MPV17L2: variants seen among roughly 807,000 people sequenced by gnomAD.
MPV17L2 encodes mpv17-like protein 2.
A neutral mutation model predicts 24.2 loss-of-function variants in MPV17L2; 25 were observed. The ratio of observed to expected loss-of-function variants is 1.03; its 90% confidence interval spans 0.75 to 1.44. MPV17L2 has a LOEUF of 1.44. MPV17L2 is among the 40% of genes most tolerant of loss of function. The pLI is 0.00. For missense variants in MPV17L2, 271 were observed against 276.2 expected (o/e 0.98, Z 0.13); for synonymous variants, 130 against 121.4 (o/e 1.07, Z -0.46).
rs1967519928 is a variant in MPV17L2 at position 18,196,338 on chromosome 19, A to ACTCTGCCAAC, written c.*285_*294dup. ...ATGTCCCATCCTCAGCACAGGGCCC[A>ACTCTGCCAAC]CTCTGCCAACCAGTCTCAAGCACCA... On this transcript the variant is annotated 3_prime_UTR_variant, in exon 5 of 5. Transcript: ENST00000599612. The ACTCTGCCAAC allele has an allele frequency of 7.2e-7, 1 of 1,396,700 alleles. No individual in the cohort carries two copies. Among genetic ancestry groups the ACTCTGCCAAC allele is most frequent in the Non-Finnish European group, 9.5e-7 (1 of 1,057,856 alleles). 86.5% of individuals were successfully genotyped at this position (1,396,700 alleles called of 1,614,324 possible).
Position 18,195,032 on chromosome 19 carries a change from C to G in MPV17L2, c.510C>G (p.Tyr170Ter). Residue 170 changes from tyrosine (Y) to a stop codon, truncating the protein, a stop_gained, in exon 4 of 5, where the codon TAC becomes TAG. Coordinates refer to ENST00000599612, the MANE Select transcript of MPV17L2 (RefSeq NM_032683.3). LOFTEE classifies it high-confidence loss of function. ...LFVPPQFRVT[Y>*]INGLTLGWDT... ...TGCCCCCCCAATTTCGAGTCACCTA[C>G]ATCAACGGCCTGACGCTGGGCTGGG... The G allele has an allele frequency of 6.2e-7, 1 of 1,614,150 alleles. No individual in the cohort carries two copies.
Position 18,193,319 on chromosome 19 carries a change from T to C in MPV17L2, c.38T>C (p.Leu13Ser). ...GGCTGGCGCCGGCTACGCCGCCTGT[T>C]ATCCGCGGGGCAGCTTCTATTCCAG... ...RGGWRRLRRL[L>S]SAGQLLFQGR... Residue 13 changes from leucine (L) to serine (S), a missense_variant, in exon 1 of 5, where the codon TTA (leucine) becomes TCA (serine). Physicochemically the swap from Leu to Ser is moderately radical, Grantham distance 145. Coordinates refer to ENST00000599612, the MANE Select transcript of MPV17L2 (RefSeq NM_032683.3). The C allele has an allele frequency of 6.4e-7, 1 of 1,555,294 alleles. No individual in the cohort carries two copies.
chr19:18,193,882 G>A lies in MPV17L2; in HGVS notation c.206G>A (p.Gly69Asp), dbSNP rs986492522. 1 of 1,614,006 alleles carries A rather than the reference G, an allele frequency of 6.2e-7. No homozygotes were observed. The highest frequency in any genetic ancestry group is 8.5e-7 in the Non-Finnish European group (1 of 1,180,020). Residue 69 changes from glycine to aspartate, a missense_variant, in exon 2 of 5, where the codon GGC (glycine) becomes GAC (aspartate). Transcript: ENST00000599612. ...PRRSASMFAV[G>D]CSMGPFLHYW... ...CTTATAGCGAGCATGTTTGCGGTGG[G>A]CTGCAGCATGGGTCCCTTCCTGCAC...
At chr19:18,193,735 G>T in intron 1 of MPV17L2, 129 bp from the exon 2 acceptor site, 7 of 1,489,920 alleles carry the variant, frequency 4.7e-6, no homozygotes, top group Non-Finnish European at 5.3e-6. Flanking sequence ...GGGCTCTTCC[G>T]GTTTTCCCGG....
Position 18,196,827 on chromosome 19 carries a change from G to A in MPV17L2, c.*772G>A, listed in dbSNP as rs115772433. ...ATGGTCCATTCGCTTTATTGGGTGC[G>A]TGTAGTGTTGTCATGACATCTCCTA... On this transcript the variant is annotated 3_prime_UTR_variant, in exon 5 of 5. Transcript: ENST00000599612. The A allele has an allele frequency of 5.9e-4, 154 of 260,362 alleles. No individual in the cohort carries two copies. Among genetic ancestry groups the A allele is most frequent in the African/African-American group, 2.4e-3 (105 of 44,462 alleles). The allele number at this position is 260,362 out of a possible 1,614,324, so 16.1% of individuals were successfully genotyped here. A position where few individuals can be genotyped will look rare whatever the true frequency, so the allele number is the denominator to read the frequency against.
intron 2 of MPV17L2, 113 bp downstream of exon 2, chr19:18,194,147 C>T (rs1967470474): frequency 4.1e-6 from 5 of 1,227,402 alleles, no homozygotes; most frequent in Non-Finnish European, 5.7e-6. Flanking sequence ...CTGTTTGGGT[C>T]GCCCTGGACT....
At chr19:18,194,489 T>C (rs898594136) in intron 2 of MPV17L2, among the ~76,000 whole-genome samples, 2 of 152,200 alleles carry the variant, frequency 1.3e-5, no homozygotes, top group Non-Finnish European at 2.9e-5. Flanking sequence ...TGGTCTGTGA[T>C]GGAAAAGTAA....
chr19:18,194,144 G>A (rs1308105308), intron 2 of MPV17L2, 110 bp downstream of exon 2: 3 of 1,273,136 alleles, frequency 2.4e-6, no homozygotes, highest in Non-Finnish European at 3.3e-6. Flanking sequence ...CCCCTGTTTG[G>A]GTCGCCCTGG....
chr19:18,195,620 T>A (rs1327428997), intron 4 of MPV17L2, among the ~76,000 whole-genome samples: 1 of 151,038 alleles, frequency 6.6e-6, no homozygotes, highest in Admixed American at 6.6e-5. Context: ...GATCACGAGG[T>A]CAGGAGATCG....
chr19:18,193,286 C>T lies in MPV17L2; in HGVS notation c.5C>T (p.Ala2Val). The T allele has an allele frequency of 1.3e-6, 2 of 1,537,962 alleles. No homozygotes were observed. Among genetic ancestry groups the T allele is most frequent in the East Asian group, 2.5e-5 (1 of 40,314 alleles). ...GTTCCTTGGTTCCTGAGGGCGATGGCGCGGGGTGGCTGGCGCCGGCTACGC... is the reference window on the plus strand; with the variant it reads ...GTTCCTTGGTTCCTGAGGGCGATGGTGCGGGGTGGCTGGCGCCGGCTACGC... Reference protein sequence around the residue: MARGGWRRLRRL... With the variant: MVRGGWRRLRRL... The change falls in exon 1 of 5, where the codon GCG becomes GTG. Residue 2 changes from alanine (A) to valine (V), a missense_variant. Ala to Val is a moderately conservative substitution (Grantham distance 64). Coordinates refer to ENST00000599612, the MANE Select transcript of MPV17L2 (RefSeq NM_032683.3).
chr19:18,193,527 A>C, intron 1 of MPV17L2, 59 bp downstream of exon 1: 2 of 1,424,232 alleles, frequency 1.4e-6, no homozygotes, highest in Admixed American at 2.9e-5. Flanking sequence ...CCGACACCCG[A>C]CTGCGGGCCG....
Position 18,196,091 on chromosome 19 carries a change from C to T in MPV17L2, c.*36C>T, listed in dbSNP as rs889333070. On this transcript the variant is annotated 3_prime_UTR_variant, in exon 5 of 5. Coordinates refer to ENST00000599612, the MANE Select transcript of MPV17L2 (RefSeq NM_032683.3). ...TCCTGGACCAGATGCAAGACTGTCT[C>T]CTGGCGGACCACCCCCTCTGACAGA... 12 of 1,613,778 alleles carry T rather than the reference C, an allele frequency of 7.4e-6. No homozygotes were observed. Among genetic ancestry groups the T allele is most frequent in the Non-Finnish European group, 1.0e-5 (12 of 1,179,972 alleles).
rs2147979060 is a variant in MPV17L2 at position 18,196,758 on chromosome 19, A to C, written c.*703A>C. 3.1e-6 allele frequency: 1 copy of C among 324,750 alleles called. No homozygotes were observed. Among genetic ancestry groups the C allele is most frequent in the African/African-American group, 2.2e-5 (1 of 46,498 alleles). The allele number at this position is 324,750 out of a possible 1,614,324, so 20.1% of individuals were successfully genotyped here. A position where few individuals can be genotyped will look rare whatever the true frequency, so the allele number is the denominator to read the frequency against. On this transcript the variant is annotated 3_prime_UTR_variant, in exon 5 of 5. Coordinates refer to ENST00000599612, the MANE Select transcript of MPV17L2 (RefSeq NM_032683.3). ...CAAAAGAAAATGCTGTGGATGATCAAAACCAGGGTGGGCAGGACCCGGTGC... is the reference window on the plus strand; with the variant it reads ...CAAAAGAAAATGCTGTGGATGATCACAACCAGGGTGGGCAGGACCCGGTGC...
chr19:18,194,211 G>C lies in MPV17L2; in HGVS notation c.358+177G>C. Reference sequence around the variant, plus strand: ...GGACTCGGCCGATGTGAACGCTGGCGAGTGTAGGAGGGACGAGGACTGTAT... The same window carrying C: ...GGACTCGGCCGATGTGAACGCTGGCCAGTGTAGGAGGGACGAGGACTGTAT... On this transcript the variant is annotated intron_variant, in intron 2 of 4. Transcript: ENST00000599612. 4 of 670,330 alleles carry C rather than the reference G, an allele frequency of 6.0e-6. No individual in the cohort carries two copies. In the South Asian group the frequency reaches 7.7e-5, roughly 13 times the overall value. 41.5% of individuals were successfully genotyped at this position (670,330 alleles called of 1,614,324 possible). A position where few individuals can be genotyped will look rare whatever the true frequency, so the allele number is the denominator to read the frequency against.
Position 18,196,164 on chromosome 19 carries a change from G to A in MPV17L2, c.*109G>A. On this transcript the variant is annotated 3_prime_UTR_variant, in exon 5 of 5. Transcript: ENST00000599612. ...AGCTCGGGTCTTGAGCCACGTCCCA[G>A]CACCACTTCAGCTCCGGAGCATTGG... 6.3e-7 allele frequency: 1 copy of A among 1,585,220 alleles called. No homozygotes were observed. Among genetic ancestry groups the A allele is most frequent in the Non-Finnish European group, 8.6e-7 (1 of 1,168,756 alleles).
In MPV17L2 at chr19:18,194,038, A is replaced by G; in HGVS notation, c.358+4A>G. The G allele has an allele frequency of 6.2e-7, 1 of 1,613,598 alleles. No individual in the cohort carries two copies. Among genetic ancestry groups the G allele is most frequent in the East Asian group, 2.2e-5 (1 of 44,884 alleles). On this transcript the variant is annotated splice_donor_region_variant and intron_variant, in intron 2 of 4. Transcript: ENST00000599612. ...CTGGGCGTCTGGTACTTCTTGGGTA[A>G]GGAGCCTCCTAAGCCTAGGCTTTGC...
rs1967531143 is a variant in MPV17L2 at position 18,196,904 on chromosome 19, G to GT, written c.*849_*850insT. On this transcript the variant is annotated 3_prime_UTR_variant, in exon 5 of 5. Coordinates refer to ENST00000599612, the MANE Select transcript of MPV17L2 (RefSeq NM_032683.3). ...CATGAGGTCAGAACAGGTCTGGTGG[G>GT]CGGGGGGGGGGGGGGTCCCAGGGTG... 1 of 135,952 alleles carries GT rather than the reference G, an allele frequency of 7.4e-6. No individual in the cohort carries two copies. Among genetic ancestry groups the GT allele is most frequent in the East Asian group, 2.4e-4 (1 of 4,238 alleles). The allele number at this position is 135,952 out of a possible 1,614,324, so 8.4% of individuals were successfully genotyped here.
chr19:18,195,196 C>T, intron 4 of MPV17L2, 110 bp downstream of exon 4: 1 of 1,492,346 alleles, frequency 6.7e-7, no homozygotes, highest in South Asian at 1.3e-5. Flanking sequence ...GTCTCCTGTG[C>T]TCCTGACAAC....
intron 4 of MPV17L2, 70 bp from the exon 5 acceptor site, chr19:18,195,929 C>A: frequency 6.7e-7 from 1 of 1,494,114 alleles, no homozygotes; most frequent in South Asian, 1.3e-5. Context: ...ACCTCTGGCC[C>A]AAGGGCAGGT....
Sources: gnomAD v4.1 joint callset for allele counts (sites outside exome capture counted in the v4.1 genomes callset) on GRCh38, gnomAD v4.1.1 for gene constraint, MANE v1.5 for transcripts, NCBI Gene and HGNC (gene_info 2026-07-23, HGNC 2026-07-21) for gene names.